LRRC4C: variants seen among roughly 807,000 people sequenced by gnomAD.
LRRC4C encodes leucine rich repeat containing 4C, also known as leucine-rich repeat-containing protein 4C.
A neutral mutation model predicts 33.6 loss-of-function variants in LRRC4C; 5 were observed. That is an observed-to-expected ratio of 0.15 (90% CI 0.08 to 0.31). LRRC4C has a LOEUF of 0.31. LRRC4C is among the 10% of genes least tolerant of loss of function. The probability of loss-of-function intolerance (pLI) is 1.00; values close to 1 mark genes in which losing one functional copy is unlikely to be tolerated. For missense variants in LRRC4C, 560 were observed against 796.7 expected (o/e 0.70, Z 3.58); for synonymous variants, 329 against 302.0 (o/e 1.09, Z -0.93).
At chr11:40,860,326 C>T (rs1253121232) in intron 2 of LRRC4C, among the ~76,000 whole-genome samples, 3 of 151,974 alleles carry the variant, frequency 2.0e-5, no homozygotes, top group South Asian at 2.1e-4. Context: ...TACCACCAGC[C>T]GAGTAAGTTA....
At chr11:41,309,074 G>T (rs1950579359) in intron 1 of LRRC4C, among the ~76,000 whole-genome samples, 1 of 152,214 alleles carries the variant, frequency 6.6e-6, no homozygotes, top group Non-Finnish European at 1.5e-5. Context: ...AAAGTGCTGG[G>T]ATTACACATC....
chr11:40,339,017 A>G (rs1946752426), intron 3 of LRRC4C, among the ~76,000 whole-genome samples: 1 of 152,224 alleles, frequency 6.6e-6, no homozygotes, highest in Admixed American at 6.5e-5. Flanking sequence ...ACCAGTTACA[A>G]AGGACCAGAG....
At chr11:40,185,128 G>A (rs1211747065) in intron 5 of LRRC4C, among the ~76,000 whole-genome samples, 1 of 152,212 alleles carries the variant, frequency 6.6e-6, no homozygotes, top group African/African-American at 2.4e-5. Flanking sequence ...GGGGCAGAGT[G>A]ATATGTTGAA....
At chr11:41,175,308 G>C (rs1191363680) in intron 1 of LRRC4C, among the ~76,000 whole-genome samples, 1 of 152,114 alleles carries the variant, frequency 6.6e-6, no homozygotes, top group Non-Finnish European at 1.5e-5. Context: ...TACACCTATT[G>C]ATTATTTTTG....
intron 3 of LRRC4C, among the ~76,000 whole-genome samples, chr11:40,603,188 G>A (rs1960207577): frequency 6.6e-6 from 1 of 152,090 alleles, no homozygotes; most frequent in Admixed American, 6.5e-5. Flanking sequence ...TGTAATTATG[G>A]TAACATCAAA....
At chr11:40,340,296 G>T (rs1946809786) in intron 3 of LRRC4C, among the ~76,000 whole-genome samples, 1 of 151,910 alleles carries the variant, frequency 6.6e-6, no homozygotes, top group Non-Finnish European at 1.5e-5. Flanking sequence ...TCACCAACAG[G>T]CCATGTACAG....
chr11:40,894,986 T>A (rs1955875123), intron 2 of LRRC4C, among the ~76,000 whole-genome samples: 1 of 152,182 alleles, frequency 6.6e-6, no homozygotes, highest in Admixed American at 6.6e-5. Flanking sequence ...TCTCTCTTTT[T>A]TGTAAAGTAT....
At chr11:40,485,954 G>A (rs936490190) in intron 3 of LRRC4C, among the ~76,000 whole-genome samples, 5 of 151,866 alleles carry the variant, frequency 3.3e-5, no homozygotes, top group African/African-American at 4.8e-5. Context: ...AAGAACACAT[G>A]GACACATATC....
intron 6 of LRRC4C, among the ~76,000 whole-genome samples, chr11:40,124,455 A>C (rs1303570711): frequency 6.6e-6 from 1 of 152,234 alleles, no homozygotes; most frequent in Non-Finnish European, 1.5e-5. Context: ...ACATATATAC[A>C]ATGAAGTTCT....
chr11:40,902,001 C>CAT (rs1956228198), intron 2 of LRRC4C, among the ~76,000 whole-genome samples: 1 of 34,120 alleles, frequency 2.9e-5, no homozygotes, highest in South Asian at 1.9e-3. Context: ...TCTCTCTCTA[C>CAT]ACACACACAC....
chr11:41,263,350 C>T (rs1215474728), intron 1 of LRRC4C, among the ~76,000 whole-genome samples: 1 of 152,044 alleles, frequency 6.6e-6, no homozygotes, highest in East Asian at 1.9e-4. Flanking sequence ...CTATTAAGAA[C>T]AGTCTAAAAA....
chr11:41,165,777 C>G (rs1254620969), intron 1 of LRRC4C, among the ~76,000 whole-genome samples: 1 of 152,060 alleles, frequency 6.6e-6, no homozygotes, highest in East Asian at 1.9e-4. Flanking sequence ...GACCTGTAAT[C>G]CCAGCACTTT....
intron 1 of LRRC4C, among the ~76,000 whole-genome samples, chr11:41,056,671 CCA>C (rs1295288139): frequency 2.0e-5 from 3 of 152,216 alleles, no homozygotes; most frequent in Middle Eastern, 3.4e-3. Context: ...ATGCTCGATA[CCA>C]CTAATCATTA....
At chr11:40,418,450 T>C (rs1950405692) in intron 3 of LRRC4C, among the ~76,000 whole-genome samples, 1 of 152,098 alleles carries the variant, frequency 6.6e-6, no homozygotes, top group Non-Finnish European at 1.5e-5. Context: ...TATTAAAAAG[T>C]CAAGAAACAA....
intron 5 of LRRC4C, among the ~76,000 whole-genome samples, chr11:40,213,837 G>A (rs958692688): frequency 2.0e-5 from 3 of 151,972 alleles, no homozygotes; most frequent in Non-Finnish European, 2.9e-5. Flanking sequence ...CATCTAATAT[G>A]TGCCAAGTTT....
chr11:40,378,447 T>C (rs889061570), intron 3 of LRRC4C, among the ~76,000 whole-genome samples: 2 of 152,012 alleles, frequency 1.3e-5, no homozygotes, highest in African/African-American at 4.8e-5. Context: ...TGTTGGGTAA[T>C]GTTAAAAGTA....
At chr11:40,510,986 AAAGT>A (rs1474117662) in intron 3 of LRRC4C, among the ~76,000 whole-genome samples, 2 of 152,218 alleles carry the variant, frequency 1.3e-5, no homozygotes, top group African/African-American at 4.8e-5. Flanking sequence ...AAATATTCTT[AAAGT>A]AAGAAATGGT....
At chr11:40,385,290 G>T in intron 3 of LRRC4C, among the ~76,000 whole-genome samples, 1 of 152,226 alleles carries the variant, frequency 6.6e-6, no homozygotes, top group Non-Finnish European at 1.5e-5. Context: ...ATCTCAAGGG[G>T]AACTGCATTA....
intron 1 of LRRC4C, among the ~76,000 whole-genome samples, chr11:40,939,089 T>G (rs113844304): frequency 1.8e-4 from 28 of 152,338 alleles, no homozygotes; most frequent in African/African-American, 6.7e-4. Flanking sequence ...ATGATACATA[T>G]GTCCATGTAC....
Sources: gnomAD v4.1 joint callset for allele counts (sites outside exome capture counted in the v4.1 genomes callset) on GRCh38, gnomAD v4.1.1 for gene constraint, MANE v1.5 for transcripts, NCBI Gene and HGNC (gene_info 2026-07-23, HGNC 2026-07-21) for gene names.